ST7: variants seen among roughly 807,000 people sequenced by gnomAD.
The protein encoded by ST7 is suppressor of tumorigenicity 7 protein.
Under a neutral mutation model 78.7 loss-of-function variants are expected in ST7, and 28 were observed. The observed-to-expected ratio is 0.36, with a 90% CI of 0.26 to 0.49. The LOEUF is 0.49. Among genes scored for constraint, ST7 ranks in the 20% least tolerant of loss-of-function variants. ST7 has a pLI of 0.99. For synonymous variants in ST7, 247 were observed against 249.6 expected (o/e 0.99, Z 0.10); for missense variants, 418 against 696.0 (o/e 0.60, Z 4.49).
chr7:117,097,908 ATTTTTTTTT>A (rs751549285), intron 1 of ST7, among the ~76,000 whole-genome samples: 10 of 30,008 alleles, frequency 3.3e-4, no homozygotes, highest in African/African-American at 1.6e-3. Context: ...ATATATATAT[ATTTTTTTTT>A]TTTTTTTTTT....
At chr7:117,099,533 A>C (rs1156406285) in intron 1 of ST7, among the ~76,000 whole-genome samples, 1 of 152,082 alleles carries the variant, frequency 6.6e-6, no homozygotes, top group Non-Finnish European at 1.5e-5. Context: ...AATTACAAGT[A>C]CTCTATTTTC....
chr7:117,169,198 T>C lies in ST7; in HGVS notation c.964-1664T>C, dbSNP rs1255416692. Among the ~76,000 whole-genome samples the C allele has an allele frequency of 2.5e-4, 38 of 150,898 alleles. 1 individual carries two copies. Among genetic ancestry groups the C allele is most frequent in the Admixed American group, 2.5e-3 (38 of 15,092 alleles). On this transcript the variant is annotated intron_variant, in intron 9 of 15. Coordinates refer to ENST00000323984, the MANE Select transcript of ST7 (RefSeq NM_001369598.1). The stretch of plus-strand genomic sequence containing the variant: ...TTGCCCAGACTGGAATGCAGTGGCA[T>C]GATCTCAGCTCACTGCAACCTCCAC...
chr7:117,121,912 A>G (rs1248818680), intron 3 of ST7, among the ~76,000 whole-genome samples: 34 of 132,120 alleles, frequency 2.6e-4, no homozygotes, highest in Non-Finnish European at 8.6e-5. Context: ...CAGGCCTTGC[A>G]TGCACTCATG....
At chr7:117,183,950 A>G (rs945443318) in intron 10 of ST7, among the ~76,000 whole-genome samples, 2 of 152,256 alleles carry the variant, frequency 1.3e-5, no homozygotes, top group African/African-American at 4.8e-5. Flanking sequence ...GTGCTACAAC[A>G]TGGATGAATC....
intron 1 of ST7, among the ~76,000 whole-genome samples, chr7:116,978,158 G>A (rs768255827): frequency 6.6e-6 from 1 of 152,172 alleles, no homozygotes; most frequent in Non-Finnish European, 1.5e-5. Flanking sequence ...GTAAAACATG[G>A]AGACTTACAT....
At chr7:117,199,314 T>C (rs1430826021) in intron 12 of ST7, among the ~76,000 whole-genome samples, 1 of 152,080 alleles carries the variant, frequency 6.6e-6, no homozygotes, top group Non-Finnish European at 1.5e-5. Flanking sequence ...CTGGGTTGCT[T>C]ATATCTCCTT....
At chr7:117,131,341 A>G (rs1804335551) in intron 5 of ST7, among the ~76,000 whole-genome samples, 1 of 151,886 alleles carries the variant, frequency 6.6e-6, no homozygotes, top group South Asian at 2.1e-4. Flanking sequence ...TTCCCACCAT[A>G]TGTTCAGAAA....
intron 2 of ST7, among the ~76,000 whole-genome samples, chr7:117,119,311 T>C (rs527532324): frequency 6.6e-6 from 1 of 152,348 alleles, no homozygotes; most frequent in East Asian, 1.9e-4. Context: ...TATTGAGCAG[T>C]TCTTAACAGT....
rs80095908 is a variant in ST7, at chr7:116,966,783, A to G, written c.151+13092A>G. ...AGCCCAGCTGTGATTGTGAAATGAC[A>G]TTATTTTCACCTTGCATTTAATTGA... On this transcript the variant is annotated intron_variant, in intron 1 of 15. Transcript: ENST00000323984. 8.5e-3 allele frequency among the ~76,000 whole-genome samples: 1,294 copies of G among 152,312 alleles called. 30 individuals carry two copies. The highest frequency in any genetic ancestry group is 0.03 in the African/African-American group (1,236 of 41,560).
chr7:117,217,660 G>A (rs149934235), intron 13 of ST7, among the ~76,000 whole-genome samples: 50 of 152,300 alleles, frequency 3.3e-4, no homozygotes, highest in African/African-American at 1.2e-3. Flanking sequence ...TTGAACTAGG[G>A]TGAGCCTTTC....
chr7:117,028,027 T>C (rs1373758573), intron 1 of ST7, among the ~76,000 whole-genome samples: 1 of 152,158 alleles, frequency 6.6e-6, no homozygotes, highest in Non-Finnish European at 1.5e-5. Context: ...AATGGGTACA[T>C]GTCAGAAACA....
At chr7:117,139,095 A>C (rs1178809495) in intron 9 of ST7, among the ~76,000 whole-genome samples, 1 of 152,170 alleles carries the variant, frequency 6.6e-6, no homozygotes, top group Non-Finnish European at 1.5e-5. Context: ...AAAAGAAGAG[A>C]GCAAATAGGT....
intron 1 of ST7, among the ~76,000 whole-genome samples, chr7:117,054,925 G>A (rs1450344574): frequency 6.6e-6 from 1 of 152,192 alleles, no homozygotes; most frequent in African/African-American, 2.4e-5. Flanking sequence ...GGCATTGTGT[G>A]TGGTGGTAAT....
At chr7:117,071,517 T>C (rs1420649549) in intron 1 of ST7, among the ~76,000 whole-genome samples, 3 of 152,246 alleles carry the variant, frequency 2.0e-5, no homozygotes, top group Admixed American at 2.0e-4. Flanking sequence ...GTTTTTATTC[T>C]TCAAAGACAC....
intron 1 of ST7, chr7:116,955,181 C>T (rs1453303400): frequency 2.2e-6 from 1 of 458,430 alleles, no homozygotes; most frequent in Non-Finnish European, 4.5e-6. Flanking sequence ...CTTCTGGTCT[C>T]AAAGTTCTAT....
chr7:116,964,716 A>G (rs10261102), intron 1 of ST7, among the ~76,000 whole-genome samples: 5,492 of 152,308 alleles, frequency 0.036, 340 homozygotes, highest in African/African-American at 0.12. Flanking sequence ...TAAGGAAAGT[A>G]TTTTAAATTG....
chr7:117,078,065 C>A lies in ST7; in HGVS notation c.152-21697C>A, dbSNP rs545911744. Among the ~76,000 whole-genome samples the A allele has an allele frequency of 1.0e-3, 154 of 152,174 alleles. No homozygotes were observed. In the Middle Eastern group the frequency reaches 0.01, roughly 10 times the overall value. On this transcript the variant is annotated intron_variant, in intron 1 of 15. Coordinates refer to ENST00000323984, the MANE Select transcript of ST7 (RefSeq NM_001369598.1). ...AGCCTTGTAGTTCAAATCTCTCAAT[C>A]TATAGATAAGAAAAATTGACCCAGA...
intron 12 of ST7, among the ~76,000 whole-genome samples, chr7:117,192,143 A>G (rs890599080): frequency 6.6e-6 from 1 of 152,252 alleles, no homozygotes; most frequent in South Asian, 2.1e-4. Context: ...ATCTCCTTAT[A>G]TAATATTTTT....
chr7:116,966,236 CTTTTTTCTTTCT>C lies in ST7; in HGVS notation c.151+12552_151+12563del. The stretch of plus-strand genomic sequence containing the variant: ...TTTCCGTAATATATGTTGCTTTTTT[CTTTTTTCTTTCT>C]TTTTTTTTTTTTTTTTTTTAAGATA... On this transcript the variant is annotated intron_variant, in intron 1 of 15. Coordinates refer to ENST00000323984, the MANE Select transcript of ST7 (RefSeq NM_001369598.1). The C allele has an allele frequency of 3.1e-5, 6 of 192,854 alleles. No individual in the cohort carries two copies. In the East Asian group the frequency reaches 5.1e-4, roughly 16 times the overall value. The allele number at this position is 192,854 out of a possible 1,614,324, so 11.9% of individuals were successfully genotyped here. A position where few individuals can be genotyped will look rare whatever the true frequency, so the allele number is the denominator to read the frequency against.
Sources: allele counts gnomAD v4.1 joint callset (sites outside exome capture counted in the v4.1 genomes callset), GRCh38; gene constraint gnomAD v4.1.1; transcripts MANE v1.5; gene names NCBI Gene and HGNC (gene_info 2026-07-23, HGNC 2026-07-21).